The following FMO3 variants were observed in gnomAD, a reference collection of about 807,000 sequenced individuals.
FMO3 encodes the protein flavin containing dimethylaniline monoxygenase 3, also known as flavin-containing monooxygenase 3.
In FMO3, 40 loss-of-function variants were observed where a neutral mutation model predicts 39.4. The ratio of observed to expected loss-of-function variants is 1.02; its 90% CI spans 0.79 to 1.32. The LOEUF is 1.32. Among genes scored for constraint, FMO3 ranks in the 40% most tolerant of loss-of-function variants. The pLI is 0.00. For synonymous variants in FMO3, 219 were observed against 228.8 expected (o/e 0.96, Z 0.39); for missense variants, 680 against 651.8 (o/e 1.04, Z -0.47).
intron 1 of FMO3, among the ~76,000 whole-genome samples, chr1:171,091,302 C>T (rs373445511): frequency 1.1e-4 from 17 of 151,620 alleles, no homozygotes; most frequent in Admixed American, 1.1e-3. Context: ...GAAGAAGGAG[C>T]ATGCTGTAGT....
intron 2 of FMO3, among the ~76,000 whole-genome samples, chr1:171,095,779 A>G (rs1654931621): frequency 7.7e-6 from 1 of 130,380 alleles, no homozygotes; most frequent in African/African-American, 2.8e-5. Flanking sequence ...ATATATTTAT[A>G]TATTAAATAT....
chr1:171,114,392 G>T (rs764326621), intron 7 of FMO3, 30 bp downstream of exon 7: 1 of 1,446,070 alleles, frequency 6.9e-7, no homozygotes, highest in African/African-American at 1.4e-5. Context: ...CATGGATTGC[G>T]AAGATGAATG....
In FMO3 at chr1:171,107,751, G is replaced by T; in HGVS notation, c.398G>T (p.Gly133Val). 6.2e-7 allele frequency: 1 copy of T among 1,613,744 alleles called. No homozygotes were observed. The change falls in exon 4 of 9, where the codon GGT (glycine) becomes GTT (valine). Residue 133 changes from glycine (G) to valine (V), a missense_variant. Physicochemically the swap from Gly to Val is moderately radical, Grantham distance 109. Coordinates refer to ENST00000367755, the MANE Select transcript of FMO3 (RefSeq NM_001002294.3). Reference sequence around the variant, plus strand: ...TGGGATGTTACCACTGAAAGGGATGGTAAAAAAGAATCGGCTGTCTTTGAT... The same window carrying T: ...TGGGATGTTACCACTGAAAGGGATGTTAAAAAAGAATCGGCTGTCTTTGAT... The part of the protein sequence containing the change: ...GQWDVTTERD[G>V]KKESAVFDAV...
intron 2 of FMO3, chr1:171,101,817 G>A: frequency 2.0e-6 from 1 of 490,492 alleles, no homozygotes; most frequent in Non-Finnish European, 4.3e-6. Context: ...CTTTTCTCAG[G>A]AGCTCCCCAA....
At chr1:171,096,041 TATATATAA>T (rs1654990808) in intron 2 of FMO3, among the ~76,000 whole-genome samples, 1 of 56,466 alleles carries the variant, frequency 1.8e-5, no homozygotes, top group Admixed American at 3.5e-4. Flanking sequence ...TAATATATAT[TATATATAA>T]ATATATAATA....
intron 2 of FMO3, among the ~76,000 whole-genome samples, chr1:171,095,353 T>C (rs1654903513): frequency 6.6e-6 from 1 of 152,188 alleles, no homozygotes; most frequent in African/African-American, 2.4e-5. Flanking sequence ...CATGCATGTA[T>C]GCACTCATTA....
chr1:171,096,072 TA>T (rs1156773803), intron 2 of FMO3, among the ~76,000 whole-genome samples: 979 of 50,102 alleles, frequency 0.02, 32 homozygotes, highest in Non-Finnish European at 0.025. Context: ...TATTATATAT[TA>T]ATATATAATA....
chr1:171,114,104 A>C lies in FMO3; in HGVS notation c.925A>C (p.Thr309Pro), dbSNP rs1656034527. 3 of 1,613,672 alleles carry C rather than the reference A, an allele frequency of 1.9e-6. No homozygotes were observed. Among genetic ancestry groups the C allele is most frequent in the South Asian group, 2.2e-5 (2 of 91,080 alleles). ...GCCTAACGTGAAGGAATTCACAGAG[A>C]CCTCGGCCATTTTTGAGGATGGGAC... ...VKPNVKEFTE[T>P]SAIFEDGTIF... The change falls in exon 7 of 9, where the codon ACC becomes CCC. Residue 309 changes from threonine to proline, a missense_variant. Coordinates refer to ENST00000367755, the MANE Select transcript of FMO3 (RefSeq NM_001002294.3).
rs748535784 is a variant in FMO3, at chr1:171,110,802, T to G, written c.632T>G (p.Met211Arg). 38 of 1,613,808 alleles carry G rather than the reference T, an allele frequency of 2.4e-5. No individual in the cohort carries two copies. The change falls in exon 6 of 9, where the codon ATG becomes AGG. Residue 211 changes from methionine (M) to arginine (R), a missense_variant. Coordinates refer to ENST00000367755, the MANE Select transcript of FMO3 (RefSeq NM_001002294.3). ...TELSRTAEQV[M>R]ISSRSGSWVM... Reference sequence around the variant, plus strand: ...GTTGAATTGGTGTTTTTTAAGGTCATGATCAGTTCCAGAAGTGGCTCCTGG... The same window carrying G: ...GTTGAATTGGTGTTTTTTAAGGTCAGGATCAGTTCCAGAAGTGGCTCCTGG...
At position 171,114,109 on chromosome 1, in the gene FMO3, G is replaced by T. The variant is rs370014734; in HGVS notation, c.930G>T (p.Ser310=). ...KPNVKEFTET[S]AIFEDGTIFE... is the part of the protein sequence containing the mutation. ...ACGTGAAGGAATTCACAGAGACCTCGGCCATTTTTGAGGATGGGACCATAT... is the reference window on the plus strand; with the variant it reads ...ACGTGAAGGAATTCACAGAGACCTCTGCCATTTTTGAGGATGGGACCATAT... The change falls in exon 7 of 9, where the codon TCG becomes TCT. Residue 310 remains serine (S), a synonymous_variant. Coordinates refer to ENST00000367755, the MANE Select transcript of FMO3 (RefSeq NM_001002294.3). The T allele has an allele frequency of 6.2e-7, 1 of 1,613,784 alleles. No individual in the cohort carries two copies. Among genetic ancestry groups the T allele is most frequent in the Admixed American group, 1.7e-5 (1 of 59,984 alleles).
In FMO3 at chr1:171,110,823, C is replaced by G. The variant is rs1655871548; in HGVS notation, c.653C>G (p.Ser218Cys). The stretch of plus-strand genomic sequence containing the variant: ...GTCATGATCAGTTCCAGAAGTGGCT[C>G]CTGGGTGATGAGCCGGGTCTGGGAC... ...EQVMISSRSGSWVMSRVWDNG... is the reference protein window; with the variant it reads ...EQVMISSRSGCWVMSRVWDNG... Residue 218 changes from serine to cysteine, a missense_variant, in exon 6 of 9, where the codon TCC (serine) becomes TGC (cysteine). Coordinates refer to ENST00000367755, the MANE Select transcript of FMO3 (RefSeq NM_001002294.3). The G allele has an allele frequency of 1.2e-6, 2 of 1,613,900 alleles. No homozygotes were observed. The highest frequency in any genetic ancestry group is 1.7e-6 in the Non-Finnish European group (2 of 1,179,888).
chr1:171,113,976 C>T, intron 6 of FMO3, 31 bp from the exon 7 acceptor site: 1 of 1,405,794 alleles, frequency 7.1e-7, no homozygotes, highest in South Asian at 1.2e-5. Context: ...AAATATTACA[C>T]TTCCAATAAT....
chr1:171,091,594 C>T (rs1338429702), intron 1 of FMO3, among the ~76,000 whole-genome samples: 1 of 151,148 alleles, frequency 6.6e-6, no homozygotes, highest in Non-Finnish European at 1.5e-5. Flanking sequence ...ACTTCTTTCC[C>T]CAACACCCCC....
chr1:171,110,442 G>A (rs1655853657), intron 5 of FMO3, among the ~76,000 whole-genome samples: 1 of 152,104 alleles, frequency 6.6e-6, no homozygotes, highest in Admixed American at 6.6e-5. Flanking sequence ...ACGTTTATTT[G>A]GGAACACTCT....
intron 2 of FMO3, among the ~76,000 whole-genome samples, chr1:171,093,115 T>C (rs1654793063): frequency 8.4e-6 from 1 of 118,558 alleles, no homozygotes; most frequent in Admixed American, 8.7e-5. Flanking sequence ...ACACAATAAC[T>C]TTTCACATCT....
chr1:171,115,535 T>C (rs1656107991), intron 7 of FMO3, among the ~76,000 whole-genome samples: 4 of 152,218 alleles, frequency 2.6e-5, no homozygotes, highest in Admixed American at 2.0e-4. Flanking sequence ...TGAGTAATCA[T>C]ATCTGGGCTA....
intron 1 of FMO3, 87 bp downstream of exon 1, chr1:171,091,068 A>T (rs1654678203): frequency 6.6e-6 from 1 of 152,164 alleles, no homozygotes; most frequent in Admixed American, 6.5e-5. Context: ...TCTACCAAAG[A>T]TACAAAAATT....
intron 2 of FMO3, chr1:171,101,060 C>G (rs1382758657): frequency 4.4e-6 from 2 of 455,544 alleles, no homozygotes; most frequent in East Asian, 1.4e-4. Flanking sequence ...ATGCTATGCT[C>G]TATCTTTGAT....
At chr1:171,104,274 C>T (rs1655541795) in intron 3 of FMO3, among the ~76,000 whole-genome samples, 1 of 151,884 alleles carries the variant, frequency 6.6e-6, no homozygotes, top group Non-Finnish European at 1.5e-5. Context: ...ATCTAAATAA[C>T]ATATAGGTCA....
Sources: gnomAD v4.1 joint callset for allele counts (sites outside exome capture counted in the v4.1 genomes callset) on GRCh38, gnomAD v4.1.1 for gene constraint, MANE v1.5 for transcripts, NCBI Gene and HGNC (gene_info 2026-07-23, HGNC 2026-07-21) for gene names.